Variants in CHKA observed in about 807,000 individuals in gnomAD.
CHKA encodes CHETK-alpha.
Under a neutral mutation model 60.1 loss-of-function variants are expected in CHKA, and 34 were observed. The observed-to-expected ratio is 0.57, with a 90% confidence interval of 0.43 to 0.75. CHKA has a LOEUF of 0.75. Among genes scored for constraint, CHKA ranks in the 30% least tolerant of loss-of-function variants. The pLI is 0.00. For synonymous variants in CHKA, 217 were observed against 223.1 expected, an observed-to-expected ratio of 0.97 and a Z score of 0.24; for missense variants, 563 against 561.3, an observed-to-expected ratio of 1.00 and a Z score of -0.03.
At chr11:68,077,339 G>C (rs1856825554) in intron 3 of CHKA, among the ~76,000 whole-genome samples, 1 of 152,160 alleles carries the variant, frequency 6.6e-6, no homozygotes, top group South Asian at 2.1e-4. Context: ...AACTACTGGT[G>C]GTCTTCTTGT....
At chr11:68,102,985 AT>A (rs1565191592) in intron 1 of CHKA, among the ~76,000 whole-genome samples, 1 of 151,658 alleles carries the variant, frequency 6.6e-6, no homozygotes, top group African/African-American at 2.4e-5. Context: ...AAAAAAAAAA[AT>A]ATATTTGCCC....
chr11:68,074,606 G>T, intron 4 of CHKA, 111 bp downstream of exon 4: 1 of 869,998 alleles, frequency 1.1e-6, no homozygotes, highest in East Asian at 2.4e-5. Context: ...TAATGACATA[G>T]GTGAGGTTAA....
chr11:68,065,514 A>C (rs1237127293), intron 9 of CHKA, among the ~76,000 whole-genome samples: 1 of 152,166 alleles, frequency 6.6e-6, no homozygotes, highest in Non-Finnish European at 1.5e-5. Context: ...AGCCTGGGCA[A>C]CTTGGTGAAA....
chr11:68,059,407 G>A (rs1290491539), intron 11 of CHKA, among the ~76,000 whole-genome samples: 1 of 152,128 alleles, frequency 6.6e-6, no homozygotes, highest in Non-Finnish European at 1.5e-5. Context: ...GCATTCCAGG[G>A]ATAAATGCCA....
chr11:68,061,698 A>G, intron 11 of CHKA: 1 of 546,564 alleles, frequency 1.8e-6, no homozygotes, highest in Non-Finnish European at 3.5e-6. Context: ...GAAGCAGGGG[A>G]GGCAAGGTCA....
Position 68,074,839 on chromosome 11 carries a change from G to C in CHKA, c.517-9C>G. The stretch of plus-strand genomic sequence containing the variant: ...ACCATGGCCTCAGCCCCCTAAAACA[G>C]ATGGCAACAAATCAGGTGTTTACTG... On this transcript the variant is annotated splice_polypyrimidine_tract_variant and intron_variant, in intron 3 of 11. Coordinates refer to ENST00000265689, the MANE Select transcript of CHKA (RefSeq NM_001277.3). The C allele has an allele frequency of 6.2e-7, 1 of 1,613,662 alleles. No homozygotes were observed.
At position 68,074,004 on chromosome 11, in the gene CHKA, A is replaced by T. The variant is rs570085461; in HGVS notation, c.630+713T>A. 3.4e-4 allele frequency among the ~76,000 whole-genome samples: 51 copies of T among 152,192 alleles called. No homozygotes were observed. In the South Asian group the frequency reaches 7.7e-3, roughly 23 times the overall value. On this transcript the variant is annotated intron_variant, in intron 4 of 11. Coordinates refer to ENST00000265689, the MANE Select transcript of CHKA (RefSeq NM_001277.3). Reference sequence around the variant, plus strand: ...CCAGGGCTCAGAGCCACACTTCAACACTTAGGGTTCATGAGAACCTCTGGG... The same window carrying T: ...CCAGGGCTCAGAGCCACACTTCAACTCTTAGGGTTCATGAGAACCTCTGGG...
At chr11:68,075,573 A>G (rs955804787) in intron 3 of CHKA, among the ~76,000 whole-genome samples, 10 of 152,178 alleles carry the variant, frequency 6.6e-5, no homozygotes, top group South Asian at 4.1e-4. Context: ...ACAGCACATT[A>G]CAGCATAATG....
chr11:68,070,378 A>C (rs1483763791), intron 5 of CHKA, 85 bp from the exon 6 acceptor site: 1 of 1,022,110 alleles, frequency 9.8e-7, no homozygotes, highest in Non-Finnish European at 1.5e-6. Context: ...CTTTGGTTAA[A>C]CATTCAATCC....
intron 11 of CHKA, among the ~76,000 whole-genome samples, chr11:68,055,234 T>C (rs1855964396): frequency 6.6e-6 from 1 of 151,892 alleles, no homozygotes. Flanking sequence ...CTACTAAAAA[T>C]AAAAAATTAG....
At chr11:68,084,348 GTATA>G (rs752168770) in intron 2 of CHKA, among the ~76,000 whole-genome samples, 3 of 131,406 alleles carry the variant, frequency 2.3e-5, no homozygotes, top group Non-Finnish European at 3.2e-5. Context: ...ATATATATGT[GTATA>G]TATATATACA....
At chr11:68,056,692 C>T (rs1444521883) in intron 11 of CHKA, among the ~76,000 whole-genome samples, 3 of 152,132 alleles carry the variant, frequency 2.0e-5, no homozygotes, top group African/African-American at 7.2e-5. Context: ...CTCACCCCAC[C>T]TATTTATCTC....
At chr11:68,055,996 C>T (rs1028465340) in intron 11 of CHKA, among the ~76,000 whole-genome samples, 3 of 151,974 alleles carry the variant, frequency 2.0e-5, no homozygotes, top group South Asian at 4.2e-4. Context: ...TGTGGTGAGC[C>T]GAGATCGCAC....
chr11:68,098,490 G>C (rs549425201), intron 1 of CHKA, among the ~76,000 whole-genome samples: 2 of 152,022 alleles, frequency 1.3e-5, no homozygotes, highest in Admixed American at 6.5e-5. Context: ...TAAAAATAAG[G>C]GTAACTAGGT....
At chr11:68,092,717 A>G (rs763514575) in intron 2 of CHKA, among the ~76,000 whole-genome samples, 21 of 152,206 alleles carry the variant, frequency 1.4e-4, no homozygotes, top group Non-Finnish European at 2.5e-4. Flanking sequence ...TTAACTGGCA[A>G]CAAGTATGAC....
intron 3 of CHKA, among the ~76,000 whole-genome samples, chr11:68,075,333 G>A (rs751139323): frequency 2.0e-4 from 31 of 151,870 alleles, no homozygotes; most frequent in Middle Eastern, 3.4e-3. Context: ...CAGGGTCTAC[G>A]GCTTTCTAGT....
Position 68,070,721 on chromosome 11 carries a change from TA to T in CHKA, c.764+2del. ...GTTAGGACCAAGTGATTTGACCACT[TA>T]CTTTTCCATTGTGCCAAAAAGCCAT... On this transcript the variant is annotated splice_donor_variant, in intron 5 of 11. Coordinates refer to ENST00000265689, the MANE Select transcript of CHKA (RefSeq NM_001277.3). LOFTEE classifies it high-confidence loss of function. 1.9e-6 allele frequency: 3 copies of T among 1,608,880 alleles called. No homozygotes were observed. Among genetic ancestry groups the T allele is most frequent in the Non-Finnish European group, 2.6e-6 (3 of 1,175,490 alleles).
intron 2 of CHKA, 104 bp from the exon 3 acceptor site, chr11:68,081,561 T>A (rs1856989000): frequency 1.7e-5 from 15 of 896,318 alleles, no homozygotes; most frequent in Non-Finnish European, 1.6e-5. Flanking sequence ...ACATCACAGG[T>A]CTTTAAGGAA....
intron 1 of CHKA, among the ~76,000 whole-genome samples, chr11:68,118,675 TTC>T (rs1301456961): frequency 2.6e-5 from 4 of 152,222 alleles, no homozygotes; most frequent in African/African-American, 9.6e-5. Flanking sequence ...CATAACTACG[TTC>T]TCTTTCAGAA....
Sources: gnomAD v4.1 joint callset for allele counts (sites outside exome capture counted in the v4.1 genomes callset) on GRCh38, gnomAD v4.1.1 for gene constraint, MANE v1.5 for transcripts, NCBI Gene and HGNC (gene_info 2026-07-23, HGNC 2026-07-21) for gene names.